Variants in SERPINE3 observed in about 807,000 individuals in gnomAD.
SERPINE3 encodes serpin E3.
A neutral mutation model predicts 41.7 loss-of-function variants in SERPINE3; 43 were observed. That is an observed-to-expected ratio of 1.03 (90% CI 0.81 to 1.33). The LOEUF is 1.33. Ranked by LOEUF, SERPINE3 falls within the 40% of genes most tolerant of loss-of-function variation. The probability of loss-of-function intolerance (pLI) is 0.00; values close to 1 mark genes in which losing one functional copy is unlikely to be tolerated. For synonymous variants in SERPINE3, 200 were observed against 192.2 expected (o/e 1.04, Z -0.34); for missense variants, 440 against 491.7 (o/e 0.89, Z 0.99).
At chr13:51,353,136 T>C (rs1254547921) in intron 6 of SERPINE3, among the ~76,000 whole-genome samples, 3 of 152,202 alleles carry the variant, frequency 2.0e-5, no homozygotes, top group Non-Finnish European at 2.9e-5. Context: ...CTGCTGGATC[T>C]GCCTTCATAG....
chr13:51,349,210 G>T (rs1308761289), intron 6 of SERPINE3, among the ~76,000 whole-genome samples: 1 of 152,168 alleles, frequency 6.6e-6, no homozygotes, highest in Non-Finnish European at 1.5e-5. Context: ...CCACTGCCTG[G>T]GCTTCCAGTA....
At chr13:51,360,002 T>C (rs1257234087) in intron 7 of SERPINE3, among the ~76,000 whole-genome samples, 3 of 152,090 alleles carry the variant, frequency 2.0e-5, no homozygotes, top group African/African-American at 7.2e-5. Context: ...TCCCCTTCAC[T>C]GATGCTGGAA....
Position 51,355,104 on chromosome 13 carries a change from CT to C in SERPINE3, c.966del (p.Phe322LeufsTer8). ...TTTAAATTCTTGGGGAGTCACCGAT[CT>C]TTTTGATCCACTCAAAGCTAACTTG... The part of the protein sequence containing the change: ...SILNSWGVTD[L>X]FDPLKANLKG... On this transcript the variant is annotated frameshift_variant, in exon 7 of 10. Transcript: ENST00000681248. LOFTEE classifies it high-confidence loss of function. 3 of 1,549,412 alleles carry C rather than the reference CT, an allele frequency of 1.9e-6. No individual in the cohort carries two copies. The highest frequency in any genetic ancestry group is 2.6e-6 in the Non-Finnish European group (3 of 1,142,930).
intron 5 of SERPINE3, among the ~76,000 whole-genome samples, chr13:51,347,450 A>T (rs993853527): frequency 6.6e-6 from 1 of 152,192 alleles, no homozygotes; most frequent in African/African-American, 2.4e-5. Flanking sequence ...CAGTGAGGAC[A>T]CAGATGTGGA....
At chr13:51,343,388 G>A (rs1344296810) in intron 3 of SERPINE3, among the ~76,000 whole-genome samples, 1 of 152,222 alleles carries the variant, frequency 6.6e-6, no homozygotes, top group Non-Finnish European at 1.5e-5. Context: ...CAGTGGGCAA[G>A]AGCCCTCGTT....
At chr13:51,344,551 T>G in intron 4 of SERPINE3, 66 bp downstream of exon 4, 1 of 1,330,808 alleles carries the variant, frequency 7.5e-7, no homozygotes, top group Non-Finnish European at 1.1e-6. Flanking sequence ...GTCTCACCCA[T>G]CACTTGTCAG....
chr13:51,351,051 A>G (rs1344615402), intron 6 of SERPINE3, among the ~76,000 whole-genome samples: 1 of 152,146 alleles, frequency 6.6e-6, no homozygotes, highest in Non-Finnish European at 1.5e-5. Flanking sequence ...ATCAATTTAT[A>G]GATATTTGAG....
rs1428171488 is a variant in SERPINE3 at position 51,341,382 on chromosome 13, C to T, written c.256+35C>T. The T allele has an allele frequency of 1.9e-6, 3 of 1,539,802 alleles. No homozygotes were observed. In the East Asian group the frequency reaches 7.3e-5, roughly 37 times the overall value. On this transcript the variant is annotated intron_variant, in intron 3 of 9. Coordinates refer to ENST00000681248, the MANE Select transcript of SERPINE3 (RefSeq NM_001386375.1). Reference sequence around the variant, plus strand: ...CTGCCCACGTGCACACTCACTTACCCTCCTGTTCACACTCACACTCTCTCC... The same window carrying T: ...CTGCCCACGTGCACACTCACTTACCTTCCTGTTCACACTCACACTCTCTCC...
chr13:51,340,649 A>G (rs1955280246), intron 1 of SERPINE3, 135 bp from the exon 2 acceptor site: 1 of 169,312 alleles, frequency 5.9e-6, no homozygotes, highest in South Asian at 1.5e-4. Context: ...CCTTTTTAAC[A>G]TAGTAGATAA....
At chr13:51,341,036 C>T (rs1955283969) in intron 2 of SERPINE3, 39 bp from the exon 3 acceptor site, 2 of 1,584,378 alleles carry the variant, frequency 1.3e-6, no homozygotes, top group African/African-American at 2.7e-5. Context: ...TCATCACCAG[C>T]TTCCAGCCTA....
intron 7 of SERPINE3, among the ~76,000 whole-genome samples, chr13:51,358,083 C>CCATA (rs10688052): frequency 0.011 from 1,720 of 152,174 alleles, 26 homozygotes; most frequent in East Asian, 0.07. Context: ...AAGCAACTAA[C>CCATA]CATAGCCTAA....
chr13:51,344,175 G>A (rs894699667), intron 3 of SERPINE3, 77 bp from the exon 4 acceptor site: 6 of 1,015,882 alleles, frequency 5.9e-6, no homozygotes, highest in Non-Finnish European at 9.1e-6. Flanking sequence ...CCATCTCAAT[G>A]CAATGTGTGC....
At chr13:51,363,922 A>G (rs1457659451) in intron 9 of SERPINE3, 1 of 189,952 alleles carries the variant, frequency 5.3e-6, no homozygotes, top group East Asian at 1.2e-4. Flanking sequence ...TGATAAGGAA[A>G]GCTGCTCAAT....
chr13:51,364,456 G>A lies in SERPINE3; in HGVS notation c.*174G>A, dbSNP rs1018880821. ...TTTTTAAATGTTATAAGTTTATTTT[G>A]CCTACTCTTAATCCAAATCTATTTT... On this transcript the variant is annotated 3_prime_UTR_variant, in exon 10 of 10. Transcript: ENST00000681248. 5 of 501,978 alleles carry A rather than the reference G, an allele frequency of 1.0e-5. No homozygotes were observed. Among genetic ancestry groups the A allele is most frequent in the African/African-American group, 7.9e-5 (4 of 50,328 alleles). The allele number at this position is 501,978 out of a possible 1,614,324, so 31.1% of individuals were successfully genotyped here.
intron 6 of SERPINE3, among the ~76,000 whole-genome samples, chr13:51,350,116 G>T (rs938875788): frequency 2.6e-5 from 4 of 152,026 alleles, no homozygotes; most frequent in Non-Finnish European, 4.4e-5. Flanking sequence ...CAGTCAGCAG[G>T]CATTTTTCGT....
intron 9 of SERPINE3, 52 bp downstream of exon 9, chr13:51,361,945 G>C (rs758345676): frequency 3.7e-6 from 6 of 1,611,816 alleles, no homozygotes; most frequent in South Asian, 2.2e-5. Context: ...TGTCTCTCTA[G>C]CAACAAGGGC....
Position 51,341,141 on chromosome 13 carries a change from G to A in SERPINE3, c.50G>A (p.Arg17Gln), listed in dbSNP as rs372481427. The A allele has an allele frequency of 3.0e-5, 49 of 1,613,806 alleles. No individual in the cohort carries two copies. The East Asian group carries it at 3.6e-4, about 12-fold the overall frequency. ...TLFLFHSCCL[R>Q]ANGHLREGMT... ...TTCCTCTTTCACTCTTGCTGCCTCC[G>A]AGCAAATGGCCACCTCCGTGAAGGA... Residue 17 changes from arginine (R) to glutamine (Q), a missense_variant, in exon 3 of 10, where the codon CGA becomes CAA. Physicochemically the swap from Arg to Gln is conservative, Grantham distance 43. Transcript: ENST00000681248.
chr13:51,346,983 A>G (rs780362709), intron 4 of SERPINE3, 42 bp from the exon 5 acceptor site: 1 of 1,445,454 alleles, frequency 6.9e-7, no homozygotes, highest in Non-Finnish European at 9.5e-7. Flanking sequence ...TTCAGTTTCA[A>G]TGCACATTTA....
At chr13:51,350,021 G>A (rs1955389435) in intron 6 of SERPINE3, among the ~76,000 whole-genome samples, 1 of 152,066 alleles carries the variant, frequency 6.6e-6, no homozygotes, top group Non-Finnish European at 1.5e-5. Context: ...TTTGGATCAC[G>A]GTAGACACAA....
Sources: gnomAD v4.1 joint callset for allele counts (sites outside exome capture counted in the v4.1 genomes callset) on GRCh38, gnomAD v4.1.1 for gene constraint, MANE v1.5 for transcripts, NCBI Gene and HGNC (gene_info 2026-07-23, HGNC 2026-07-21) for gene names.